The following RSPH10B2 variants were observed in gnomAD, a reference collection of about 807,000 sequenced individuals.
RSPH10B2 encodes the protein radial spoke head 10 homolog B2.
A neutral mutation model predicts 49.0 loss-of-function variants in RSPH10B2; 9 were observed. The observed-to-expected ratio is 0.18, with a 90% confidence interval of 0.11 to 0.32. The LOEUF (loss-of-function observed/expected upper bound fraction) is 0.32, where lower values mean the gene tolerates loss of function less well. RSPH10B2 is among the 10% of genes least tolerant of loss of function. The pLI is 1.00. For missense variants in RSPH10B2, 95 were observed against 589.9 expected (o/e 0.16, Z 8.69); for synonymous variants, 35 against 210.2 (o/e 0.17, Z 7.21).
intron 13 of RSPH10B2, among the ~76,000 whole-genome samples, chr7:6,783,922 C>T (rs1300246061): frequency 4.4e-5 from 6 of 137,202 alleles, no homozygotes; most frequent in South Asian, 2.4e-4. Context: ...CTGCAACCTC[C>T]GCCTCCCGGG....
rs2115399660 is a variant in RSPH10B2, at chr7:6,758,890, C to A, written c.255-194C>A. Among the ~76,000 whole-genome samples the A allele has an allele frequency of 1.4e-5, 2 of 139,036 alleles. 1 individual carries two copies. The allele number at this position is 139,036 out of a possible 152,430, so 91.2% of individuals were successfully genotyped here. A position where few individuals can be genotyped will look rare whatever the true frequency, so the allele number is the denominator to read the frequency against. On this transcript the variant is annotated intron_variant, in intron 1 of 18. Coordinates refer to ENST00000297186, the Ensembl canonical transcript of RSPH10B2. ...AAACAAACAAAAAAACCCCGAAATG[C>A]CTTCATTCCTCACCCTACTTTCAAA... is the stretch of plus-strand genomic sequence containing the variant.
intron 13 of RSPH10B2, among the ~76,000 whole-genome samples, chr7:6,783,284 A>C: frequency 8.7e-6 from 1 of 114,742 alleles, no homozygotes; most frequent in African/African-American, 3.8e-5. Flanking sequence ...CCCGTGTCGG[A>C]CTCCCAAAGT....
chr7:6,754,686 G>GT (rs529283541), upstream of RSPH10B2, among the ~76,000 whole-genome samples: 106 of 25,024 alleles, frequency 4.2e-3, no homozygotes, highest in African/African-American at 0.021. Context: ...GAGGTTAGGA[G>GT]TTTGAGACCA....
intron 13 of RSPH10B2, among the ~76,000 whole-genome samples, chr7:6,783,725 G>A (rs1265962657): frequency 6.6e-6 from 1 of 151,674 alleles, no homozygotes; most frequent in East Asian, 1.9e-4. Flanking sequence ...CTCGTGCCTC[G>A]GCCTCCTGAA....
chr7:6,768,023 C>T (rs1781512152), intron 6 of RSPH10B2, among the ~76,000 whole-genome samples: 1 of 148,432 alleles, frequency 6.7e-6, no homozygotes, highest in Non-Finnish European at 1.5e-5. Context: ...GAAACCCCAT[C>T]TCTACTAAAA....
intron 14 of RSPH10B2, 122 bp downstream of exon 16, chr7:6,786,178 CTTT>C (rs1266902018): frequency 0.021 from 2,972 of 139,470 alleles, no homozygotes; most frequent in East Asian, 0.041. Flanking sequence ...TTCACTGATG[CTTT>C]TTTTTTTTTT....
exon 7 of RSPH10B2, chr7:6,768,644 C>G: frequency 2.4e-6 from 1 of 415,784 alleles, no homozygotes; most frequent in Admixed American, 5.3e-5. Context: ...TTCCCAGTAT[C>G]CTTTGAGAAA....
chr7:6,787,673 C>CTA (rs1344006978), intron 15 of RSPH10B2, among the ~76,000 whole-genome samples: 6 of 25,122 alleles, frequency 2.4e-4, no homozygotes, highest in Admixed American at 5.6e-4. Context: ...CCAGCTAATT[C>CTA]TTTTTTTTTT....
intron 17 of RSPH10B2, among the ~76,000 whole-genome samples, chr7:6,795,854 A>G (rs1055485832): frequency 3.4e-5 from 5 of 148,718 alleles, no homozygotes; most frequent in Non-Finnish European, 6.0e-5. Context: ...ACTTGAGCCC[A>G]GGAGTTCCTC....
Position 6,776,928 on chromosome 7 carries a change from A to ACACAC in RSPH10B2, c.1414+382_1414+383insCACAC, listed in dbSNP as rs773659785. On this transcript the variant is annotated intron_variant, in intron 10 of 18. Coordinates refer to ENST00000297186, the Ensembl canonical transcript of RSPH10B2. ...ACACACACACACACACACACACACA[A>ACACAC]AAGGCAGGGGTCCCCAACCCCCAGG... 5.7e-4 allele frequency among the ~76,000 whole-genome samples: 66 copies of ACACAC among 115,292 alleles called. 1 individual carries two copies. Among genetic ancestry groups the ACACAC allele is most frequent in the Admixed American group, 1.5e-3 (16 of 10,914 alleles). The allele number at this position is 115,292 out of a possible 152,430, so 75.6% of individuals were successfully genotyped here.
rs1355140130 is a variant in RSPH10B2, at chr7:6,796,939, G to A, written c.2432+173G>A. 2.8e-5 allele frequency: 12 copies of A among 426,854 alleles called. 2 individuals carry two copies. In the East Asian group the frequency reaches 6.4e-4, roughly 23 times the overall value. The allele number at this position is 426,854 out of a possible 1,614,324, so 26.4% of individuals were successfully genotyped here. ...GGTCTCTGTTCCTGGCAGAACACCT[G>A]AAGCCTTTGTAACTTCCTGAGTAAT... On this transcript the variant is annotated intron_variant, in intron 18 of 18. Transcript: ENST00000297186.
At chr7:6,756,210 C>T (rs907977949), upstream of RSPH10B2, among the ~76,000 whole-genome samples, 1 of 140,374 alleles carries the variant, frequency 7.1e-6, no homozygotes, top group African/African-American at 2.8e-5. Context: ...GTGGAGCTTG[C>T]AGTGAGCCAA....
At chr7:6,783,062 C>T (rs373950893) in intron 13 of RSPH10B2, among the ~76,000 whole-genome samples, 11,335 of 99,362 alleles carry the variant, frequency 0.11, 248 homozygotes, top group Non-Finnish European at 0.14. Flanking sequence ...GACAAAGTCT[C>T]GCTCTTTTGC....
intron 17 of RSPH10B2, among the ~76,000 whole-genome samples, chr7:6,792,560 CCTCT>C (rs1198355705): frequency 6.2e-5 from 7 of 112,312 alleles, no homozygotes; most frequent in Non-Finnish European, 5.3e-5. Context: ...GCTCTTGAGG[CCTCT>C]CTGTCTGCTG....
intron 4 of RSPH10B2, among the ~76,000 whole-genome samples, chr7:6,764,421 T>C (rs1221330703): frequency 2.0e-4 from 30 of 151,088 alleles, no homozygotes; most frequent in Middle Eastern, 3.4e-3. Flanking sequence ...AGTGCAATGG[T>C]GCCATCTCAG....
At chr7:6,795,957 G>T (rs145316789) in intron 17 of RSPH10B2, among the ~76,000 whole-genome samples, 1,829 of 145,592 alleles carry the variant, frequency 0.013, 86 homozygotes, top group African/African-American at 0.044. Flanking sequence ...AAAAGCAAGA[G>T]AAACGAGTTT....
At chr7:6,776,873 T>TCACACACACACACACACA (rs746541740) in intron 10 of RSPH10B2, among the ~76,000 whole-genome samples, 5 of 110,996 alleles carry the variant, frequency 4.5e-5, no homozygotes, top group Admixed American at 9.6e-5. Context: ...CGAGACTCCA[T>TCACACACACACACACACA]CACACACACA....
upstream of RSPH10B2, among the ~76,000 whole-genome samples, chr7:6,756,047 T>C (rs1781056920): frequency 6.7e-6 from 1 of 150,346 alleles, no homozygotes; most frequent in African/African-American, 2.5e-5. Flanking sequence ...GGCGGGCAGA[T>C]CACGAGGTCA....
At chr7:6,755,924 C>T (rs1781043078), upstream of RSPH10B2, among the ~76,000 whole-genome samples, 1 of 118,096 alleles carries the variant, frequency 8.5e-6, no homozygotes, top group Non-Finnish European at 1.7e-5. Flanking sequence ...CAGGACAGGG[C>T]TAGAGAGTCT....
Sources: allele counts gnomAD v4.1 joint callset (sites outside exome capture counted in the v4.1 genomes callset), GRCh38; gene constraint gnomAD v4.1.1; transcripts MANE v1.5; gene names NCBI Gene and HGNC (gene_info 2026-07-23, HGNC 2026-07-21).